INSC: variants seen among roughly 807,000 people sequenced by gnomAD.
The protein encoded by INSC is protein inscuteable homolog.
Under a neutral mutation model 58.6 loss-of-function variants are expected in INSC, and 67 were observed. That is an observed-to-expected ratio of 1.14 (90% CI 0.94 to 1.40). The LOEUF (loss-of-function observed/expected upper bound fraction) is 1.40, where lower values mean the gene tolerates loss of function less well. INSC is among the 40% of genes most tolerant of loss of function. The pLI, the probability that INSC is intolerant of heterozygous loss-of-function variation, is 0.00. For missense variants in INSC, 714 were observed against 692.0 expected (o/e 1.03, Z -0.36); for synonymous variants, 262 against 276.1 (o/e 0.95, Z 0.51).
At chr11:15,121,047 T>C (rs1217899908) in intron 1 of INSC, among the ~76,000 whole-genome samples, 1 of 101,712 alleles carries the variant, frequency 9.8e-6, no homozygotes, top group Non-Finnish European at 2.0e-5. Flanking sequence ...TTTATTGTTT[T>C]ATTATATATA....
chr11:15,117,817 T>C (rs1331696503), intron 1 of INSC, among the ~76,000 whole-genome samples: 1 of 152,178 alleles, frequency 6.6e-6, no homozygotes, highest in Non-Finnish European at 1.5e-5. Flanking sequence ...TTGGTGACGA[T>C]GTCTTGGAGG....
rs568622651 is a variant in INSC, at chr11:15,235,325, C to T, written c.1171-277C>T. The T allele has an allele frequency of 3.8e-4, 173 of 459,748 alleles. 1 individual carries two copies. The highest frequency in any genetic ancestry group is 3.1e-3 in the African/African-American group (159 of 50,866). 28.5% of individuals were successfully genotyped at this position (459,748 alleles called of 1,614,324 possible). On this transcript the variant is annotated intron_variant, in intron 9 of 12. Transcript: ENST00000379556. ...GAAAGACAACCGGGCCCCAACTTCACCCAGGGTTATGCTAGTCTTTCCAGG... is the reference window on the plus strand; with the variant it reads ...GAAAGACAACCGGGCCCCAACTTCATCCAGGGTTATGCTAGTCTTTCCAGG...
At chr11:15,112,250 T>G (rs535337964), upstream of INSC, among the ~76,000 whole-genome samples, 4 of 152,242 alleles carry the variant, frequency 2.6e-5, no homozygotes, top group South Asian at 8.3e-4. Context: ...CAGCACAGCA[T>G]TGAGAAGTCA....
intron 6 of INSC, among the ~76,000 whole-genome samples, chr11:15,195,338 G>A (rs544393660): frequency 1.1e-4 from 17 of 152,256 alleles, no homozygotes; most frequent in Non-Finnish European, 2.4e-4. Context: ...AACACATGCT[G>A]GATTTGGGCT....
At chr11:15,113,145 C>CT (rs200716197), upstream of INSC, among the ~76,000 whole-genome samples, 1 of 133,514 alleles carries the variant, frequency 7.5e-6, no homozygotes, top group Non-Finnish European at 1.6e-5. Context: ...TTCTTTCTTT[C>CT]TGTCTCTCTC....
chr11:15,208,205 G>A (rs1038630169), intron 7 of INSC, among the ~76,000 whole-genome samples: 1 of 152,182 alleles, frequency 6.6e-6, no homozygotes, highest in African/African-American at 2.4e-5. Flanking sequence ...AATGAAGGTC[G>A]CAGATGCCTC....
chr11:15,119,108 A>G (rs1351513292), intron 1 of INSC, among the ~76,000 whole-genome samples: 7 of 151,980 alleles, frequency 4.6e-5, no homozygotes, highest in African/African-American at 1.7e-4. Flanking sequence ...AGAAAAAACT[A>G]CTCCTTTGGG....
intron 7 of INSC, 148 bp from the exon 8 acceptor site, chr11:15,221,329 C>G (rs1249551951): frequency 1.5e-5 from 13 of 872,090 alleles, no homozygotes; most frequent in Non-Finnish European, 2.1e-5. Context: ...CTGGATTGTC[C>G]CTGGTTCCAC....
intron 6 of INSC, among the ~76,000 whole-genome samples, chr11:15,195,092 G>A (rs1291697624): frequency 6.6e-6 from 1 of 152,128 alleles, no homozygotes; most frequent in Non-Finnish European, 1.5e-5. Context: ...TGGAGCAAAG[G>A]GGATGGAGGA....
chr11:15,257,218 C>T, the INSC span, among the ~76,000 whole-genome samples: 1 of 151,922 alleles, frequency 6.6e-6, no homozygotes, highest in Non-Finnish European at 1.5e-5. Flanking sequence ...ATGCACGTAT[C>T]CATTATTATT....
At chr11:15,155,506 A>G (rs979675765) in intron 2 of INSC, among the ~76,000 whole-genome samples, 1 of 152,230 alleles carries the variant, frequency 6.6e-6, no homozygotes, top group African/African-American at 2.4e-5. Flanking sequence ...TAGAGGGAGT[A>G]TGTCACTGTG....
chr11:15,158,204 C>T (rs1206249224), intron 2 of INSC, among the ~76,000 whole-genome samples: 1 of 151,878 alleles, frequency 6.6e-6, no homozygotes, highest in Non-Finnish European at 1.5e-5. Context: ...ATTCTTTGCA[C>T]AATTGTTGTC....
At chr11:15,228,288 T>C (rs77473935) in intron 9 of INSC, among the ~76,000 whole-genome samples, 287 of 152,270 alleles carry the variant, frequency 1.9e-3, no homozygotes, top group African/African-American at 6.7e-3. Context: ...GTCCCCTTCT[T>C]ATCACAAGGA....
intron 6 of INSC, among the ~76,000 whole-genome samples, chr11:15,194,969 G>T (rs1041435997): frequency 1.3e-5 from 2 of 152,134 alleles, no homozygotes; most frequent in African/African-American, 4.8e-5. Context: ...GTAGGTCCTG[G>T]GATGAATATT....
At chr11:15,233,935 C>G (rs1425720836) in intron 9 of INSC, among the ~76,000 whole-genome samples, 1 of 152,176 alleles carries the variant, frequency 6.6e-6, no homozygotes, top group African/African-American at 2.4e-5. Flanking sequence ...TAAGAATGTG[C>G]ACACGATGCC....
chr11:15,127,167 G>A (rs554435570), intron 1 of INSC, among the ~76,000 whole-genome samples: 3 of 152,292 alleles, frequency 2.0e-5, no homozygotes, highest in African/African-American at 7.2e-5. Context: ...CCTCAGATAG[G>A]CACCTAGGAT....
At chr11:15,180,190 G>A (rs1849715230) in intron 5 of INSC, among the ~76,000 whole-genome samples, 1 of 152,056 alleles carries the variant, frequency 6.6e-6, no homozygotes, top group African/African-American at 2.4e-5. Context: ...CCTGGGAGGC[G>A]GAGCTTGCAG....
In INSC at chr11:15,211,250, C is replaced by T. The variant is rs551493636; in HGVS notation, c.820-10227C>T. ...TCTGCTTGTGACCAACTTGAGTGTA[C>T]CGTCCTCTCTTATTATGGTTTCAAT... On this transcript the variant is annotated intron_variant, in intron 7 of 12. Transcript: ENST00000379556. Among the ~76,000 whole-genome samples the T allele has an allele frequency of 4.6e-5, 7 of 152,302 alleles. No individual in the cohort carries two copies. In the East Asian group the frequency reaches 7.7e-4, roughly 17 times the overall value.
In INSC at chr11:15,149,099, C is replaced by T. The variant is rs1214476217; in HGVS notation, c.-45-31C>T. The T allele has an allele frequency of 4.5e-6, 7 of 1,550,512 alleles. No individual in the cohort carries two copies. The Admixed American group carries it at 1.2e-4, about 26-fold the overall frequency. On this transcript the variant is annotated intron_variant, in intron 1 of 12. Coordinates refer to ENST00000379556, the MANE Select transcript of INSC (RefSeq NM_001042536.3). ...GTGATTGTGCCTCCTCTTTTAGGATCTCGTTGTGCCATCCTGCCCTCTATT... is the reference window on the plus strand; with the variant it reads ...GTGATTGTGCCTCCTCTTTTAGGATTTCGTTGTGCCATCCTGCCCTCTATT...
Sources: allele counts gnomAD v4.1 joint callset (sites outside exome capture counted in the v4.1 genomes callset), GRCh38; gene constraint gnomAD v4.1.1; transcripts MANE v1.5; gene names NCBI Gene and HGNC (gene_info 2026-07-23, HGNC 2026-07-21).